The following FAM98C variants were observed in gnomAD, a reference collection of about 807,000 sequenced individuals.
The protein encoded by FAM98C is tRNA splicing ligase complex subunit 3C.
Under a neutral mutation model 41.1 loss-of-function variants are expected in FAM98C, and 38 were observed. The ratio of observed to expected loss-of-function variants is 0.92; its 90% CI spans 0.71 to 1.21. The LOEUF (loss-of-function observed/expected upper bound fraction) is 1.21, where lower values mean the gene tolerates loss of function less well. FAM98C is among the 50% of genes most tolerant of loss of function. The probability of loss-of-function intolerance (pLI) is 0.00; values close to 1 mark genes in which losing one functional copy is unlikely to be tolerated. For missense variants in FAM98C, 493 were observed against 484.7 expected, an observed-to-expected ratio of 1.02 and a Z score of -0.16; for synonymous variants, 195 against 216.7, an observed-to-expected ratio of 0.90 and a Z score of 0.88.
rs1363355440 is a variant in FAM98C at position 38,403,372 on chromosome 19, G to C, written c.100G>C (p.Ala34Pro). Residue 34 changes from alanine (A) to proline (P), a missense_variant, in exon 2 of 8, where the codon GCC becomes CCC. Transcript: ENST00000252530. The stretch of plus-strand genomic sequence containing the variant: ...TGTCCCGGGGGCGGCGTCGCGGGGC[G>C]CCTCATGCCCAGACTTCAGGGGGCT... Reference protein sequence around the residue: ...GGVPGAASRGASCPDFRGLCV... With the variant: ...GGVPGAASRGPSCPDFRGLCV... 10 of 1,469,106 alleles carry C rather than the reference G, an allele frequency of 6.8e-6. No individual in the cohort carries two copies. The highest frequency in any genetic ancestry group is 8.9e-6 in the Non-Finnish European group (10 of 1,124,934). The allele number at this position is 1,469,106 out of a possible 1,614,324, so 91.0% of individuals were successfully genotyped here.
In FAM98C at chr19:38,407,185, T is replaced by C. The variant is rs570519662; in HGVS notation, c.918+108T>C. 75 of 1,326,310 alleles carry C rather than the reference T, an allele frequency of 5.7e-5. No homozygotes were observed. In the East Asian group the frequency reaches 1.4e-3, roughly 24 times the overall value. The allele number at this position is 1,326,310 out of a possible 1,614,324, so 82.2% of individuals were successfully genotyped here. On this transcript the variant is annotated intron_variant, in intron 7 of 7. Transcript: ENST00000252530. ...GACTTACCACCTCTAATCCACCCAC[T>C]AGACATGGCAGCTAGAAGGACCTCG...
At chr19:38,403,533 C>A (rs1268447651) in intron 2 of FAM98C, 27 bp from the exon 3 acceptor site, 2 of 1,460,984 alleles carry the variant, frequency 1.4e-6, no homozygotes, top group Non-Finnish European at 9.0e-7. Context: ...ACGGGGCCAC[C>A]GAGCCCTGAC....
intron 7 of FAM98C, 22 bp downstream of exon 7, chr19:38,407,099 G>C (rs764863217): frequency 6.2e-7 from 1 of 1,609,728 alleles, no homozygotes; most frequent in South Asian, 1.1e-5. Context: ...GGGTAGGGAA[G>C]GGCCCTGGCA....
rs766738820 is a variant in FAM98C at position 38,406,946 on chromosome 19, AT to A, written c.789del (p.Arg264GlufsTer4). On this transcript the variant is annotated frameshift_variant, in exon 7 of 8. Coordinates refer to ENST00000252530, the MANE Select transcript of FAM98C (RefSeq NM_174905.4). LOFTEE classifies it high-confidence loss of function. ...GGCCATGAGGGCAGTGCTGATCCCA[AT>A]TCGAGAGGTTCTGACCCCAGAATCG... ...GEAMRAVLIP[I>X]REVLTPESDI... 4 of 1,614,090 alleles carry A rather than the reference AT, an allele frequency of 2.5e-6. No individual in the cohort carries two copies. The East Asian group carries it at 8.9e-5, about 36-fold the overall frequency.
chr19:38,405,059 C>G lies in FAM98C; in HGVS notation c.501C>G (p.Pro167=), dbSNP rs571892119. The G allele has an allele frequency of 6.2e-7, 1 of 1,613,186 alleles. No individual in the cohort carries two copies. The highest frequency in any genetic ancestry group is 2.2e-5 in the East Asian group (1 of 44,838). The change falls in exon 4 of 8, where the codon CCC becomes CCG. Residue 167 remains proline, a synonymous_variant. Coordinates refer to ENST00000252530, the MANE Select transcript of FAM98C (RefSeq NM_174905.4). ...TTACCCTCCAAGCCCTGGGGCTGCC[C>G]AGACCTGCACCAGGGACCCCCGCCA... ...LDLTLQALGL[P]RPAPGTPASQ...
Position 38,405,559 on chromosome 19 carries a change from ACCGCTGCCGCCGCTG to A in FAM98C, c.677_691del (p.Arg226_Cys230del), listed in dbSNP as rs1207758686. 2 of 1,614,122 alleles carry A rather than the reference ACCGCTGCCGCCGCTG, an allele frequency of 1.2e-6. No homozygotes were observed. The highest frequency in any genetic ancestry group is 8.5e-7 in the Non-Finnish European group (1 of 1,180,034). On this transcript the variant is annotated inframe_deletion, in exon 6 of 8. Transcript: ENST00000252530. ...CTGTCCCAAAGCCTCAGAGATCAGT[ACCGCTGCCGCCGCTG>A]CCTCCTCCTCAAGCGCCTTGACCTC...
Position 38,404,901 on chromosome 19 carries a change from C to T in FAM98C, c.350-7C>T, listed in dbSNP as rs1971016305. The T allele has an allele frequency of 1.9e-6, 3 of 1,614,026 alleles. No individual in the cohort carries two copies. The highest frequency in any genetic ancestry group is 3.3e-5 in the Admixed American group (2 of 60,000). ...CTGAGTGCACAGCACCCATTTATTA[C>T]TTTCAGGCTTTCTCTGCTCAGAGCT... On this transcript the variant is annotated splice_polypyrimidine_tract_variant and splice_region_variant and intron_variant, in intron 3 of 7. Coordinates refer to ENST00000252530, the MANE Select transcript of FAM98C (RefSeq NM_174905.4).
Position 38,403,097 on chromosome 19 carries a change from G to A in FAM98C, c.-57G>A. The A allele has an allele frequency of 1.4e-6, 2 of 1,463,398 alleles. No individual in the cohort carries two copies. The highest frequency in any genetic ancestry group is 1.5e-5 in the African/African-American group (1 of 67,276). 90.7% of individuals were successfully genotyped at this position (1,463,398 alleles called of 1,614,324 possible). ...GCTGCGGGGAGCTCGTGCGCGCGGCGCTTTTGGGGCGGAGCCTGCCACCGG... is the reference window on the plus strand; with the variant it reads ...GCTGCGGGGAGCTCGTGCGCGCGGCACTTTTGGGGCGGAGCCTGCCACCGG... On this transcript the variant is annotated 5_prime_UTR_variant, in exon 1 of 8. Transcript: ENST00000252530.
Position 38,406,892 on chromosome 19 carries a change from A to G in FAM98C, c.751-18A>G. 6.2e-7 allele frequency: 1 copy of G among 1,610,350 alleles called. No homozygotes were observed. Among genetic ancestry groups the G allele is most frequent in the Non-Finnish European group, 8.5e-7 (1 of 1,176,970 alleles). On this transcript the variant is annotated intron_variant, in intron 6 of 7. Transcript: ENST00000252530. ...GAAGGGCTCCAGGGTACCTTCTCTT[A>G]CCTCCTCCCCACTCCAGGCCCAAGG... is the stretch of plus-strand genomic sequence containing the variant.
intron 4 of FAM98C, 94 bp downstream of exon 4, chr19:38,405,207 C>A (rs1408585299): frequency 1.3e-6 from 2 of 1,513,264 alleles, no homozygotes; most frequent in Non-Finnish European, 1.8e-6. Context: ...GTATTCCAAC[C>A]ACTGGCCTGT....
chr19:38,405,568 G>A lies in FAM98C; in HGVS notation c.683G>A (p.Arg228His), dbSNP rs376864098. 1.4e-5 allele frequency: 22 copies of A among 1,614,008 alleles called. No individual in the cohort carries two copies. The highest frequency in any genetic ancestry group is 1.6e-4 in the Middle Eastern group (1 of 6,084). The change falls in exon 6 of 8, where the codon CGC becomes CAC. Residue 228 changes from arginine to histidine, a missense_variant. Physicochemically the swap from Arg to His is conservative, Grantham distance 29. Coordinates refer to ENST00000252530, the MANE Select transcript of FAM98C (RefSeq NM_174905.4). ...AGCCTCAGAGATCAGTACCGCTGCC[G>A]CCGCTGCCTCCTCCTCAAGCGCCTT... ...SQSLRDQYRC[R>H]RCLLLKRLDL... is the part of the protein sequence containing the mutation.
At position 38,407,038 on chromosome 19, in the gene FAM98C, CGTGGCT is replaced by C; in HGVS notation, c.882_887del (p.Ala295_Val296del). The C allele has an allele frequency of 6.2e-7, 1 of 1,614,090 alleles. No homozygotes were observed. Among genetic ancestry groups the C allele is most frequent in the Non-Finnish European group, 8.5e-7 (1 of 1,180,024 alleles). On this transcript the variant is annotated inframe_deletion, in exon 7 of 8. Transcript: ENST00000252530. ...TGTCTTGTCTCGTCCCAGCCACCAG[CGTGGCT>C]GTCCGCAGAGGGACCTGCTGTGCCA...
Position 38,403,710 on chromosome 19 carries a change from C to G in FAM98C, c.349+16C>G, listed in dbSNP as rs1340521408. On this transcript the variant is annotated intron_variant, in intron 3 of 7. Transcript: ENST00000252530. Reference sequence around the variant, plus strand: ...CGCCTGCTGCGTGAGTCCCGGGATGCAGAAGTGGCAAGGCCATGGCCTCCG... The same window carrying G: ...CGCCTGCTGCGTGAGTCCCGGGATGGAGAAGTGGCAAGGCCATGGCCTCCG... The G allele has an allele frequency of 7.2e-7, 1 of 1,396,836 alleles. No homozygotes were observed. 86.5% of individuals were successfully genotyped at this position (1,396,836 alleles called of 1,614,324 possible).
Position 38,408,765 on chromosome 19 carries a change from C to T in FAM98C, c.933C>T (p.Asn311=), listed in dbSNP as rs745545912. The change falls in exon 8 of 8, where the codon AAC becomes AAT. Residue 311 remains asparagine, a synonymous_variant. Transcript: ENST00000252530. ...TAAACTCTCAGGTGCTTATGGGCAACGTTCCAGACCGGGGGGGCCGCCCAA... is the reference window on the plus strand; with the variant it reads ...TAAACTCTCAGGTGCTTATGGGCAATGTTCCAGACCGGGGGGGCCGCCCAA... The part of the protein sequence containing the change: ...CCAINKVLMG[N]VPDRGGRPNE... 8.7e-6 allele frequency: 14 copies of T among 1,613,938 alleles called. No homozygotes were observed. In the East Asian group the frequency reaches 1.3e-4, roughly 15 times the overall value.
In FAM98C at chr19:38,405,023, A is replaced by C. The variant is rs1159901095; in HGVS notation, c.465A>C (p.Gln155His). ...TAGTGGAGGGAGCCGGCATGGTCCA[A>C]GAACTGGACCTTACCCTCCAAGCCC... is the stretch of plus-strand genomic sequence containing the variant. Reference protein sequence around the residue: ...EGVVEGAGMVQELDLTLQALG... With the variant: ...EGVVEGAGMVHELDLTLQALG... Residue 155 changes from glutamine (Q) to histidine (H), a missense_variant, in exon 4 of 8, where the codon CAA (glutamine) becomes CAC (histidine). Transcript: ENST00000252530. 2 of 1,614,150 alleles carry C rather than the reference A, an allele frequency of 1.2e-6. No individual in the cohort carries two copies. The highest frequency in any genetic ancestry group is 2.2e-5 in the South Asian group (2 of 91,084).
At chr19:38,404,511 G>A (rs1971011119) in intron 3 of FAM98C, among the ~76,000 whole-genome samples, 1 of 152,046 alleles carries the variant, frequency 6.6e-6, no homozygotes, top group Non-Finnish European at 1.5e-5. Context: ...CCTGGGCAAA[G>A]GTGGAGGTTT....
rs764700552 is a variant in FAM98C, at chr19:38,403,459, G to A, written c.187G>A (p.Gly63Ser). ...CGCCCTCGAGCAGCAGCGAGAGGCG[G>A]GCGCGGAGGTGCTGAGCGCCGGCGA... The part of the protein sequence containing the change: ...LGALEQQREA[G>S]AEVLSAGDGP... Residue 63 changes from glycine to serine, a missense_variant, in exon 2 of 8, where the codon GGC becomes AGC. Gly to Ser is a moderately conservative substitution (Grantham distance 56, BLOSUM62 0). Coordinates refer to ENST00000252530, the MANE Select transcript of FAM98C (RefSeq NM_174905.4). 15 of 1,405,818 alleles carry A rather than the reference G, an allele frequency of 1.1e-5. No homozygotes were observed. Among genetic ancestry groups the A allele is most frequent in the Non-Finnish European group, 1.4e-5 (15 of 1,091,404 alleles). The allele number at this position is 1,405,818 out of a possible 1,614,324, so 87.1% of individuals were successfully genotyped here.
chr19:38,407,377 T>A, intron 7 of FAM98C: 1 of 185,056 alleles, frequency 5.4e-6, no homozygotes, highest in Non-Finnish European at 1.1e-5. Flanking sequence ...TTTTTTAACC[T>A]TTTTTTTTTT....
chr19:38,403,692 T>A lies in FAM98C; in HGVS notation c.347T>A (p.Leu116Gln). ...GAACCCGGTGCCGGACTGCGCCTGC[T>A]GCGTGAGTCCCGGGATGCAGAAGTG... ...LREPGAGLRL[L>Q]RFLCSELQAT... is the part of the protein sequence containing the mutation. The change falls in exon 3 of 8, where the codon CTG (leucine) becomes CAG (glutamine). Residue 116 changes from leucine (L) to glutamine (Q), a missense_variant and splice_region_variant. Physicochemically the swap from Leu to Gln is moderately radical, Grantham distance 113. Coordinates refer to ENST00000252530, the MANE Select transcript of FAM98C (RefSeq NM_174905.4). 1 of 1,410,028 alleles carries A rather than the reference T, an allele frequency of 7.1e-7. No homozygotes were observed. The highest frequency in any genetic ancestry group is 9.2e-7 in the Non-Finnish European group (1 of 1,091,594). The allele number at this position is 1,410,028 out of a possible 1,614,324, so 87.3% of individuals were successfully genotyped here. A position where few individuals can be genotyped will look rare whatever the true frequency, so the allele number is the denominator to read the frequency against.
Sources: gnomAD v4.1 joint callset for allele counts (sites outside exome capture counted in the v4.1 genomes callset) on GRCh38, gnomAD v4.1.1 for gene constraint, MANE v1.5 for transcripts, NCBI Gene and HGNC (gene_info 2026-07-23, HGNC 2026-07-21) for gene names.